Variants in RPS6KC1 observed in about 807,000 individuals in gnomAD.
The protein encoded by RPS6KC1 is ribosomal protein S6 kinase C1.
Under a neutral mutation model 103.8 loss-of-function variants are expected in RPS6KC1, and 54 were observed. The ratio of observed to expected loss-of-function variants is 0.52; its 90% CI spans 0.42 to 0.65. The LOEUF (loss-of-function observed/expected upper bound fraction) is 0.65. RPS6KC1 is among the 30% of genes least tolerant of loss of function. The probability of loss-of-function intolerance (pLI) is 0.00; values close to 1 mark genes in which losing one functional copy is unlikely to be tolerated. For synonymous variants in RPS6KC1, 439 were observed against 438.7 expected (o/e 1.00, Z -0.01); for missense variants, 1,151 against 1,253.8 (o/e 0.92, Z 1.24).
the RPS6KC1 span, among the ~76,000 whole-genome samples, chr1:213,764,494 A>AT: frequency 6.6e-6 from 1 of 152,174 alleles, no homozygotes; most frequent in Admixed American, 6.5e-5. Context: ...TACAGGTGAG[A>AT]TGAAGTTCAG....
the RPS6KC1 span, among the ~76,000 whole-genome samples, chr1:213,401,978 A>G: frequency 2.0e-5 from 3 of 151,972 alleles, no homozygotes; most frequent in African/African-American, 7.3e-5. Context: ...TGTAAAGATG[A>G]GATCTCACTA....
chr1:213,085,090 C>G (rs1047786632), intron 3 of RPS6KC1, among the ~76,000 whole-genome samples: 1 of 152,220 alleles, frequency 6.6e-6, no homozygotes, highest in Non-Finnish European at 1.5e-5. Context: ...AAATTGGTAT[C>G]ACTGGGCTGA....
At chr1:213,295,844 G>A in the RPS6KC1 span, among the ~76,000 whole-genome samples, 2 of 152,220 alleles carry the variant, frequency 1.3e-5, no homozygotes, top group East Asian at 3.9e-4. Flanking sequence ...CAAGAGGGAA[G>A]AGGAAGTCGA....
rs183424221 is a variant in RPS6KC1 at position 213,064,746 on chromosome 1, C to T, written c.106-6260C>T. The stretch of plus-strand genomic sequence containing the variant: ...AGGCTGGAGTGCAGTGGCGTGATCT[C>T]GGCTCACTGCAGGCTCTGCCTCCTG... On this transcript the variant is annotated intron_variant, in intron 1 of 14. Coordinates refer to ENST00000366960, the MANE Select transcript of RPS6KC1 (RefSeq NM_012424.6). Among the ~76,000 whole-genome samples the T allele has an allele frequency of 2.8e-4, 39 of 139,546 alleles. 1 individual carries two copies. In the South Asian group the frequency reaches 3.0e-3, roughly 11 times the overall value. The allele number at this position is 139,546 out of a possible 152,430, so 91.5% of individuals were successfully genotyped here. A position where few individuals can be genotyped will look rare whatever the true frequency, so the allele number is the denominator to read the frequency against.
chr1:213,309,980 C>A, the RPS6KC1 span, among the ~76,000 whole-genome samples: 3 of 152,196 alleles, frequency 2.0e-5, no homozygotes, highest in Non-Finnish European at 4.4e-5. Context: ...CCACTGCGCC[C>A]AGCAGATTCC....
the RPS6KC1 span, among the ~76,000 whole-genome samples, chr1:213,831,047 A>G: frequency 6.6e-6 from 1 of 152,074 alleles, no homozygotes; most frequent in African/African-American, 2.4e-5. Context: ...GAGGGCTCCT[A>G]TTCCTGCTCC....
Position 213,117,388 on chromosome 1 carries a change from C to T in RPS6KC1, c.450C>T (p.Thr150=). The T allele has an allele frequency of 3.7e-6, 6 of 1,606,570 alleles. No homozygotes were observed. The highest frequency in any genetic ancestry group is 4.3e-6 in the Non-Finnish European group (5 of 1,173,808). Residue 150 remains threonine (T), a synonymous_variant, in exon 5 of 15, where the codon ACC becomes ACT. Transcript: ENST00000366960. ...AEAHSDSLID[T]FPECSTEGFS... ...CTCACTCAGATTCCCTCATTGATAC[C>T]TTTCCTGAGTGTAGTACGGAAGGTA...
the RPS6KC1 span, among the ~76,000 whole-genome samples, chr1:213,462,820 C>G: frequency 1.3e-5 from 2 of 152,282 alleles, no homozygotes; most frequent in South Asian, 4.1e-4. Flanking sequence ...TTGATGAGCG[C>G]AGCAAACCAC....
chr1:213,846,552 T>G, the RPS6KC1 span, among the ~76,000 whole-genome samples: 879 of 152,322 alleles, frequency 5.8e-3, 9 homozygotes, highest in African/African-American at 0.02. Flanking sequence ...AGCCAATTTC[T>G]TTTAGTTCTA....
At chr1:213,167,347 A>G (rs545999931) in intron 6 of RPS6KC1, among the ~76,000 whole-genome samples, 1 of 152,076 alleles carries the variant, frequency 6.6e-6, no homozygotes, top group Admixed American at 6.6e-5. Flanking sequence ...GGGGGAAATT[A>G]TCTCTTTATT....
the RPS6KC1 span, among the ~76,000 whole-genome samples, chr1:213,665,835 A>G: frequency 2.6e-5 from 4 of 152,226 alleles, no homozygotes; most frequent in South Asian, 2.1e-4. Flanking sequence ...ATACTATAAA[A>G]TACTGTGTAG....
chr1:213,443,344 AG>A, the RPS6KC1 span, among the ~76,000 whole-genome samples: 4 of 152,316 alleles, frequency 2.6e-5, no homozygotes, highest in African/African-American at 7.2e-5. Context: ...AATTTGTTAT[AG>A]TCCATATACA....
chr1:213,223,818 A>G (rs572281064), intron 8 of RPS6KC1, among the ~76,000 whole-genome samples: 3 of 152,230 alleles, frequency 2.0e-5, no homozygotes, highest in Admixed American at 6.5e-5. Context: ...CTAATTTTCT[A>G]TAGACTTAAG....
At chr1:213,492,875 G>A in the RPS6KC1 span, among the ~76,000 whole-genome samples, 1 of 152,216 alleles carries the variant, frequency 6.6e-6, no homozygotes, top group African/African-American at 2.4e-5. Flanking sequence ...CCCCAGCCAG[G>A]CCTCCGCTGA....
At chr1:213,123,791 A>G (rs2084669465) in intron 5 of RPS6KC1, among the ~76,000 whole-genome samples, 1 of 152,112 alleles carries the variant, frequency 6.6e-6, no homozygotes, top group African/African-American at 2.4e-5. Context: ...CAATATTTGA[A>G]CCTCAGGGCT....
chr1:213,499,481 T>C, the RPS6KC1 span, among the ~76,000 whole-genome samples: 1 of 152,090 alleles, frequency 6.6e-6, no homozygotes, highest in Non-Finnish European at 1.5e-5. Context: ...TCATCAGGCA[T>C]AGTTAGAGTC....
chr1:213,559,832 C>G, the RPS6KC1 span, among the ~76,000 whole-genome samples: 1 of 151,870 alleles, frequency 6.6e-6, no homozygotes, highest in Non-Finnish European at 1.5e-5. Flanking sequence ...ACCCATTATT[C>G]CAAAATGTTA....
intron 5 of RPS6KC1, among the ~76,000 whole-genome samples, chr1:213,123,490 A>G (rs1452167016): frequency 2.0e-5 from 3 of 152,206 alleles, no homozygotes; most frequent in African/African-American, 7.2e-5. Flanking sequence ...ACATGACCCA[A>G]GAACGTTATA....
chr1:213,755,980 C>T, the RPS6KC1 span, among the ~76,000 whole-genome samples: 31 of 152,314 alleles, frequency 2.0e-4, no homozygotes, highest in Admixed American at 1.1e-3. Context: ...CCATCCCCTC[C>T]AGCACTACCT....
Sources: gnomAD v4.1 joint callset for allele counts (sites outside exome capture counted in the v4.1 genomes callset) on GRCh38, gnomAD v4.1.1 for gene constraint, MANE v1.5 for transcripts, NCBI Gene and HGNC (gene_info 2026-07-23, HGNC 2026-07-21) for gene names.